The following FHIT variants were observed in gnomAD, a reference collection of about 807,000 sequenced individuals.
FHIT encodes fragile histidine triad diadenosine triphosphatase.
A neutral mutation model predicts 17.9 loss-of-function variants in FHIT; 19 were observed. The observed-to-expected ratio is 1.06, with a 90% confidence interval of 0.74 to 1.56. The LOEUF (loss-of-function observed/expected upper bound fraction) is 1.56. FHIT is among the 40% of genes most tolerant of loss of function. The pLI is 0.00. For synonymous variants in FHIT, 81 were observed against 69.7 expected, an observed-to-expected ratio of 1.16 and a Z score of -0.81; for missense variants, 248 against 189.2, an observed-to-expected ratio of 1.31 and a Z score of -1.82.
intron 5 of FHIT, among the ~76,000 whole-genome samples, chr3:60,448,836 T>C (rs1245157383): frequency 6.6e-6 from 1 of 152,194 alleles, no homozygotes. Context: ...ATGAAATCTT[T>C]ATAGCTAGTT....
chr3:60,913,284 A>G (rs13098867), intron 3 of FHIT, among the ~76,000 whole-genome samples: 1 of 152,224 alleles, frequency 6.6e-6, no homozygotes, highest in East Asian at 1.9e-4. Context: ...TTGAAATTTC[A>G]ACAAAAAGGC....
chr3:60,935,788 T>A (rs1194734266), intron 3 of FHIT, among the ~76,000 whole-genome samples: 1 of 152,178 alleles, frequency 6.6e-6, no homozygotes, highest in Non-Finnish European at 1.5e-5. Context: ...ACTTCCTAAA[T>A]AGAGAGGGGA....
intron 5 of FHIT, among the ~76,000 whole-genome samples, chr3:60,103,257 CT>C (rs760901645): frequency 6.6e-6 from 1 of 152,158 alleles, no homozygotes; most frequent in Non-Finnish European, 1.5e-5. Flanking sequence ...ACGATCACCC[CT>C]ATTCCCCTCC....
chr3:60,291,269 G>A (rs993292977), intron 5 of FHIT, among the ~76,000 whole-genome samples: 4 of 152,096 alleles, frequency 2.6e-5, no homozygotes, highest in Non-Finnish European at 5.9e-5. Context: ...GATTTACATA[G>A]GGTGAAAGAC....
At chr3:61,019,386 A>ATGGC (rs755351111) in intron 3 of FHIT, among the ~76,000 whole-genome samples, 2 of 152,186 alleles carry the variant, frequency 1.3e-5, no homozygotes, top group Non-Finnish European at 2.9e-5. Flanking sequence ...GTACTATTCT[A>ATGGC]TGGCTGGTAG....
At chr3:60,950,893 C>T (rs1197857073) in intron 3 of FHIT, among the ~76,000 whole-genome samples, 1 of 152,048 alleles carries the variant, frequency 6.6e-6, no homozygotes, top group Admixed American at 6.6e-5. Flanking sequence ...TTGTATTTAT[C>T]CTTTATCTTT....
At position 60,828,803 on chromosome 3, in the gene FHIT, G is replaced by A. The variant is rs542701901; in HGVS notation, c.-110-6792C>T. Among the ~76,000 whole-genome samples, 212 of 152,234 alleles carry A rather than the reference G, an allele frequency of 1.4e-3. 1 individual carries two copies. The highest frequency in any genetic ancestry group is 2.7e-3 in the Non-Finnish European group (184 of 68,018). ...TGAGGCAGGAGATTCAGTTCAACCC[G>A]GGAGGCAGAGGTTGCAGTGAGCCGA... On this transcript the variant is annotated intron_variant, in intron 3 of 9. Transcript: ENST00000492590.
chr3:61,091,587 GAA>G (rs1377130286), intron 2 of FHIT, among the ~76,000 whole-genome samples: 1 of 151,998 alleles, frequency 6.6e-6, no homozygotes, highest in African/African-American at 2.4e-5. Flanking sequence ...TAGCAAAATA[GAA>G]AAGAGATCTA....
intron 7 of FHIT, among the ~76,000 whole-genome samples, chr3:59,927,130 G>T (rs1476772207): frequency 4.0e-5 from 6 of 150,898 alleles, no homozygotes; most frequent in Non-Finnish European, 8.9e-5. Flanking sequence ...AATAGGATAT[G>T]ATTTGGCCAT....
chr3:61,095,162 T>A (rs905319080), intron 2 of FHIT, among the ~76,000 whole-genome samples: 1 of 152,194 alleles, frequency 6.6e-6, no homozygotes, highest in African/African-American at 2.4e-5. Context: ...AATCTATCCA[T>A]TTACTACTAG....
At chr3:60,246,500 G>A (rs779079914) in intron 5 of FHIT, among the ~76,000 whole-genome samples, 1 of 152,036 alleles carries the variant, frequency 6.6e-6, no homozygotes, top group Non-Finnish European at 1.5e-5. Flanking sequence ...CAGAAAATGG[G>A]AGTCTTTAAT....
intron 4 of FHIT, among the ~76,000 whole-genome samples, chr3:60,562,497 G>C (rs952595321): frequency 1.3e-5 from 2 of 152,162 alleles, no homozygotes; most frequent in African/African-American, 2.4e-5. Flanking sequence ...TGTTTGTCAG[G>C]GTGGCCAGCT....
At chr3:60,660,124 A>C (rs9835901) in intron 4 of FHIT, among the ~76,000 whole-genome samples, 5,577 of 152,214 alleles carry the variant, frequency 0.037, 352 homozygotes, top group African/African-American at 0.13. Flanking sequence ...CAAACACAAA[A>C]GGGGAAAAGA....
chr3:60,167,154 C>T (rs1701211639), intron 5 of FHIT, among the ~76,000 whole-genome samples: 1 of 152,120 alleles, frequency 6.6e-6, no homozygotes, highest in East Asian at 1.9e-4. Flanking sequence ...ACCTCTTATC[C>T]TATAATCTGT....
At chr3:60,855,889 A>C (rs1410465656) in intron 3 of FHIT, among the ~76,000 whole-genome samples, 1 of 152,136 alleles carries the variant, frequency 6.6e-6, no homozygotes, top group Non-Finnish European at 1.5e-5. Flanking sequence ...CCAATTCAAA[A>C]GACGTAACAA....
At chr3:60,987,381 C>T (rs1261975036) in intron 3 of FHIT, among the ~76,000 whole-genome samples, 1 of 152,194 alleles carries the variant, frequency 6.6e-6, no homozygotes, top group Non-Finnish European at 1.5e-5. Flanking sequence ...GGTGGAAAAT[C>T]ACTTAAAGGC....
Position 61,208,408 on chromosome 3 carries a change from G to A in FHIT, c.-212-7743C>T, listed in dbSNP as rs1211502670. On this transcript the variant is annotated intron_variant, in intron 1 of 9. Coordinates refer to ENST00000492590, the MANE Select transcript of FHIT (RefSeq NM_002012.4). Reference sequence around the variant, plus strand: ...TCTTGTTGATCTGCTAATGTTGACAGTGGGGTATTAAAGTCTCCCATTATT... The same window carrying A: ...TCTTGTTGATCTGCTAATGTTGACAATGGGGTATTAAAGTCTCCCATTATT... Among the ~76,000 whole-genome samples, 4 of 152,228 alleles carry A rather than the reference G, an allele frequency of 2.6e-5. 1 individual carries two copies. The highest frequency in any genetic ancestry group is 2.1e-4 in the South Asian group (1 of 4,818).
chr3:61,127,074 C>T (rs1347884248), intron 2 of FHIT, among the ~76,000 whole-genome samples: 5 of 152,210 alleles, frequency 3.3e-5, no homozygotes, highest in Non-Finnish European at 7.3e-5. Flanking sequence ...ATCTCTTCTC[C>T]AAGGCAAGTG....
intron 2 of FHIT, among the ~76,000 whole-genome samples, chr3:61,053,181 A>C (rs2034089193): frequency 6.6e-6 from 1 of 152,158 alleles, no homozygotes; most frequent in Non-Finnish European, 1.5e-5. Flanking sequence ...AAACTAAAAA[A>C]TGTACTTAAG....
Sources: gnomAD v4.1 joint callset for allele counts (sites outside exome capture counted in the v4.1 genomes callset) on GRCh38, gnomAD v4.1.1 for gene constraint, MANE v1.5 for transcripts, NCBI Gene and HGNC (gene_info 2026-07-23, HGNC 2026-07-21) for gene names.